The following NEK10 variants were observed in gnomAD, a reference collection of about 807,000 sequenced individuals.
NEK10 encodes the protein serine/threonine-protein kinase Nek10.
Under a neutral mutation model 159.8 loss-of-function variants are expected in NEK10, and 122 were observed. The observed-to-expected ratio is 0.76, with a 90% CI of 0.66 to 0.89. The LOEUF (loss-of-function observed/expected upper bound fraction) is 0.89, where lower values mean the gene tolerates loss of function less well. Among genes scored for constraint, NEK10 ranks in the 40% least tolerant of loss-of-function variants. The pLI, the probability that NEK10 is intolerant of heterozygous loss-of-function variation, is 0.00. For missense variants in NEK10, 1,342 were observed against 1,323.1 expected, an observed-to-expected ratio of 1.01 and a Z score of -0.22; for synonymous variants, 466 against 457.1, an observed-to-expected ratio of 1.02 and a Z score of -0.25.
intron 1 of NEK10, among the ~76,000 whole-genome samples, chr3:27,364,347 A>ATT (rs1359697383): frequency 6.9e-5 from 7 of 100,936 alleles, no homozygotes; most frequent in African/African-American, 2.6e-4. Context: ...TGCCTGGCTA[A>ATT]TTGTGTGTGT....
intron 23 of NEK10, among the ~76,000 whole-genome samples, chr3:27,238,134 G>A (rs181658145): frequency 1.6e-3 from 246 of 152,228 alleles, no homozygotes; most frequent in African/African-American, 5.4e-3. Flanking sequence ...CCAAGAATAC[G>A]TGCCCTGTGT....
At chr3:27,115,150 C>T (rs1307882841) in intron 35 of NEK10, among the ~76,000 whole-genome samples, 1 of 152,124 alleles carries the variant, frequency 6.6e-6, no homozygotes, top group Admixed American at 6.6e-5. Context: ...AGGATAAATA[C>T]CTCAGCTCTC....
chr3:27,300,566 C>T (rs2043733179), intron 13 of NEK10, among the ~76,000 whole-genome samples: 1 of 152,066 alleles, frequency 6.6e-6, no homozygotes, highest in South Asian at 2.1e-4. Context: ...ATCTATGTGC[C>T]CTGTAACCAT....
At chr3:27,240,306 T>C (rs1220991019) in intron 23 of NEK10, among the ~76,000 whole-genome samples, 2 of 152,188 alleles carry the variant, frequency 1.3e-5, no homozygotes, top group Admixed American at 6.5e-5. Flanking sequence ...TAATGATTTT[T>C]TGTAGAAAAA....
chr3:27,208,230 G>C (rs116748193), intron 23 of NEK10, among the ~76,000 whole-genome samples: 1 of 151,992 alleles, frequency 6.6e-6, no homozygotes, highest in South Asian at 2.1e-4. Context: ...TATAAATCTC[G>C]GTGCATTTTC....
At chr3:27,282,584 C>T (rs1331923781) in intron 22 of NEK10, among the ~76,000 whole-genome samples, 201 of 71,964 alleles carry the variant, frequency 2.8e-3, no homozygotes, top group African/African-American at 8.6e-3. Flanking sequence ...TATATATATA[C>T]ATAACTGTGT....
intron 25 of NEK10, among the ~76,000 whole-genome samples, chr3:27,193,310 C>T (rs1392175687): frequency 2.0e-5 from 3 of 152,214 alleles, no homozygotes; most frequent in African/African-American, 7.2e-5. Flanking sequence ...ATAACACACT[C>T]ATTTCTTGCC....
chr3:27,125,053 A>T lies in NEK10; in HGVS notation c.3082-5185T>A, dbSNP rs969597343. Among the ~76,000 whole-genome samples, 8 of 152,242 alleles carry T rather than the reference A, an allele frequency of 5.3e-5. No homozygotes were observed. In the East Asian group the frequency reaches 7.7e-4, roughly 15 times the overall value. On this transcript the variant is annotated intron_variant, in intron 32 of 35. Coordinates refer to ENST00000691995, the MANE Select transcript of NEK10 (RefSeq NM_001394966.1). ...CCTCCTGCTCTGAATAGACACCTAC[A>T]GTTCTAAAGAGCAAATGACTGAATA...
At chr3:27,362,397 A>G (rs1176693433) in intron 1 of NEK10, among the ~76,000 whole-genome samples, 1 of 152,148 alleles carries the variant, frequency 6.6e-6, no homozygotes, top group East Asian at 1.9e-4. Context: ...TAAAACATCT[A>G]TATGCAGATC....
chr3:27,315,222 A>G (rs778645437), intron 6 of NEK10, among the ~76,000 whole-genome samples: 7 of 152,186 alleles, frequency 4.6e-5, no homozygotes, highest in Non-Finnish European at 8.8e-5. Context: ...AACAAGAGCC[A>G]TAATTTCAAT....
intron 30 of NEK10, chr3:27,143,398 A>G (rs1341231699): frequency 1.4e-6 from 1 of 727,284 alleles, no homozygotes; most frequent in East Asian, 2.5e-5. Flanking sequence ...GAGTTCTTAG[A>G]TCTGTGATGA....
At chr3:27,228,169 C>T (rs1159321273) in intron 23 of NEK10, among the ~76,000 whole-genome samples, 2 of 152,134 alleles carry the variant, frequency 1.3e-5, no homozygotes, top group Non-Finnish European at 2.9e-5. Context: ...TTTCTTAATG[C>T]TGTATCAGGC....
intron 30 of NEK10, chr3:27,162,212 A>G (rs1017747111): frequency 2.8e-5 from 15 of 528,556 alleles, no homozygotes; most frequent in African/African-American, 1.7e-4. Context: ...CAACTGGTTA[A>G]CATTCCCGCC....
intron 35 of NEK10, among the ~76,000 whole-genome samples, chr3:27,113,553 TTA>T (rs1177734521): frequency 6.6e-6 from 1 of 152,152 alleles, no homozygotes; most frequent in Non-Finnish European, 1.5e-5. Flanking sequence ...AATACCCAAC[TTA>T]TATTGCTTAA....
At chr3:27,204,301 G>GTTTTTTTTT (rs567092116) in intron 23 of NEK10, among the ~76,000 whole-genome samples, 51 of 66,336 alleles carry the variant, frequency 7.7e-4, no homozygotes, top group African/African-American at 1.0e-3. Flanking sequence ...TTTTGTTGTT[G>GTTTTTTTTT]TTTTTTTTTT....
intron 12 of NEK10, among the ~76,000 whole-genome samples, chr3:27,303,927 G>T (rs2044032895): frequency 6.6e-6 from 1 of 152,074 alleles, no homozygotes; most frequent in African/African-American, 2.4e-5. Flanking sequence ...TTTAACTTTG[G>T]TTCAGCACCC....
rs142802705 is a variant in NEK10 at position 27,263,658 on chromosome 3, C to T, written c.2015-7287G>A. ...CTCCTGGTGTGGCGTTTGCTAAGAC[C>T]GTTGGAAAAGCGCAGTATTAGGGTG... On this transcript the variant is annotated intron_variant, in intron 22 of 35. Transcript: ENST00000691995. 7.4e-3 allele frequency among the ~76,000 whole-genome samples: 1,131 copies of T among 152,268 alleles called. 10 individuals are homozygous for T. The highest frequency in any genetic ancestry group is 0.03 in the Admixed American group (465 of 15,290).
chr3:27,126,780 C>T (rs1942008297), intron 32 of NEK10, among the ~76,000 whole-genome samples: 1 of 152,016 alleles, frequency 6.6e-6, no homozygotes, highest in Admixed American at 6.6e-5. Context: ...CAACAACAAA[C>T]CTTGATCCAA....
chr3:27,148,509 TTTC>T (rs1252036270), intron 30 of NEK10, among the ~76,000 whole-genome samples: 4 of 152,090 alleles, frequency 2.6e-5, no homozygotes, highest in South Asian at 2.1e-4. Flanking sequence ...GATATCCAGG[TTTC>T]TTCTTCTTAT....
Sources: allele counts gnomAD v4.1 joint callset (sites outside exome capture counted in the v4.1 genomes callset), GRCh38; gene constraint gnomAD v4.1.1; transcripts MANE v1.5; gene names NCBI Gene and HGNC (gene_info 2026-07-23, HGNC 2026-07-21).